The following DPYD variants were observed in gnomAD, a reference collection of about 807,000 sequenced individuals.
DPYD encodes the protein dihydropyrimidine dehydrogenase, also known as dihydropyrimidine dehydrogenase [NADP(+)].
DPYD carries 109 observed loss-of-function variants against 116.2 expected under a neutral mutation model. The ratio of observed to expected loss-of-function variants is 0.94; its 90% CI spans 0.80 to 1.10. The LOEUF is 1.10. Ranked by LOEUF, DPYD falls within the 50% of genes least tolerant of loss-of-function variation. The pLI, the probability that DPYD is intolerant of heterozygous loss-of-function variation, is 0.00. For missense variants in DPYD, 1,302 were observed against 1,254.5 expected, an observed-to-expected ratio of 1.04 and a Z score of -0.57; for synonymous variants, 440 against 432.0, an observed-to-expected ratio of 1.02 and a Z score of -0.23.
chr1:97,108,518 A>C (rs1422380084), intron 20 of DPYD, among the ~76,000 whole-genome samples: 7 of 152,146 alleles, frequency 4.6e-5, no homozygotes, highest in Non-Finnish European at 1.0e-4. Flanking sequence ...CTATTAGGCT[A>C]TAACATATGG....
At chr1:97,282,423 G>C (rs745727841) in intron 18 of DPYD, among the ~76,000 whole-genome samples, 3 of 151,628 alleles carry the variant, frequency 2.0e-5, no homozygotes, top group Non-Finnish European at 4.4e-5. Context: ...CAGAGATGCA[G>C]AGGTTGTTTA....
intron 13 of DPYD, among the ~76,000 whole-genome samples, chr1:97,484,328 A>G (rs1467313042): frequency 6.6e-6 from 1 of 151,818 alleles, no homozygotes; most frequent in African/African-American, 2.4e-5. Context: ...AAACAAAAAC[A>G]AAAAAATTCC....
At chr1:97,373,266 T>A (rs928269695) in intron 16 of DPYD, among the ~76,000 whole-genome samples, 8 of 152,226 alleles carry the variant, frequency 5.3e-5, no homozygotes, top group Non-Finnish European at 1.0e-4. Flanking sequence ...TAAAGAACAC[T>A]GCATTTGAAA....
At chr1:97,307,734 T>C (rs1667256757) in intron 16 of DPYD, among the ~76,000 whole-genome samples, 1 of 151,922 alleles carries the variant, frequency 6.6e-6, no homozygotes, top group Non-Finnish European at 1.5e-5. Context: ...GAGACTTAGC[T>C]GTACAAATTC....
intron 20 of DPYD, among the ~76,000 whole-genome samples, chr1:97,107,582 T>C (rs1384728975): frequency 6.6e-6 from 1 of 152,110 alleles, no homozygotes; most frequent in African/African-American, 2.4e-5. Context: ...ATCATGGCTA[T>C]ATACCAGACA....
intron 2 of DPYD, among the ~76,000 whole-genome samples, chr1:97,860,600 A>C (rs1388455270): frequency 6.6e-6 from 1 of 152,158 alleles, no homozygotes; most frequent in Non-Finnish European, 1.5e-5. Context: ...TTAAGTTAAA[A>C]ATAAAATATA....
chr1:97,694,529 A>G (rs1661192144), intron 6 of DPYD, among the ~76,000 whole-genome samples: 1 of 152,074 alleles, frequency 6.6e-6, no homozygotes, highest in South Asian at 2.1e-4. Context: ...CCAGACTTTT[A>G]TGTTCACTTG....
At chr1:97,429,376 A>C (rs901433592) in intron 14 of DPYD, among the ~76,000 whole-genome samples, 2 of 152,088 alleles carry the variant, frequency 1.3e-5, no homozygotes, top group African/African-American at 2.4e-5. Context: ...CTGTAAATAA[A>C]TTTTTACTTA....
intron 14 of DPYD, 117 bp downstream of exon 14, chr1:97,449,942 G>A: frequency 2.3e-6 from 3 of 1,329,996 alleles, no homozygotes; most frequent in South Asian, 2.5e-5. Context: ...AAAGCAACTG[G>A]CAGATTCTTT....
intron 1 of DPYD, among the ~76,000 whole-genome samples, chr1:97,908,148 C>A (rs2101700537): frequency 6.6e-6 from 1 of 152,076 alleles, no homozygotes; most frequent in African/African-American, 2.4e-5. Flanking sequence ...CAGGCTCAAG[C>A]AATCCTCCCG....
rs1036999870 is a variant in DPYD, at chr1:97,082,458, T to G, written c.2779A>C (p.Lys927Gln). The part of the protein sequence containing the change: ...PIPTIKDVIG[K>Q]ALQYLGTFGE... ...AATGTTCCAAGGTACTGCAGTGCTT[T>G]TCCTATTACATCCTAAAAATAGCCA... The change falls in exon 22 of 23, where the codon AAA (lysine) becomes CAA (glutamine). Residue 927 changes from lysine (K) to glutamine (Q), a missense_variant. Physicochemically the swap from Lys to Gln is moderately conservative, Grantham distance 53. Transcript: ENST00000370192. 3 of 1,613,394 alleles carry G rather than the reference T, an allele frequency of 1.9e-6. No homozygotes were observed. The African/African-American group carries it at 4.0e-5, about 22-fold the overall frequency.
chr1:97,590,451 G>C (rs12751479), intron 10 of DPYD, among the ~76,000 whole-genome samples: 1 of 152,132 alleles, frequency 6.6e-6, no homozygotes, highest in Non-Finnish European at 1.5e-5. Flanking sequence ...AGCACCCAAG[G>C]TGCTAAACAG....
At chr1:97,772,504 AT>A (rs1358404603) in intron 3 of DPYD, among the ~76,000 whole-genome samples, 1 of 152,232 alleles carries the variant, frequency 6.6e-6, no homozygotes, top group Non-Finnish European at 1.5e-5. Flanking sequence ...AATAGATCAC[AT>A]TGAAGGCAGA....
rs544820427 is a variant in DPYD at position 97,253,362 on chromosome 1, A to G, written c.2300-18368T>C. Among the ~76,000 whole-genome samples, 7 of 152,288 alleles carry G rather than the reference A, an allele frequency of 4.6e-5. No individual in the cohort carries two copies. The East Asian group carries it at 1.3e-3, about 29-fold the overall frequency. On this transcript the variant is annotated intron_variant, in intron 18 of 22. Transcript: ENST00000370192. ...CATTTTTACTTCTCAGCTTTTAATT[A>G]TTCTTTAAAAGATTTTTTAGTATCT...
intron 3 of DPYD, among the ~76,000 whole-genome samples, chr1:97,792,423 A>AT (rs1160655720): frequency 6.6e-6 from 1 of 151,574 alleles, no homozygotes; most frequent in African/African-American, 2.4e-5. Context: ...TAATTTTTAT[A>AT]TTTTTTAGTA....
chr1:97,765,517 C>T (rs1665800052), intron 3 of DPYD, among the ~76,000 whole-genome samples: 2 of 152,138 alleles, frequency 1.3e-5, no homozygotes, highest in African/African-American at 4.8e-5. Flanking sequence ...TCCATTTTTA[C>T]TTAACAGCTC....
chr1:97,276,864 C>T (rs1664964438), intron 18 of DPYD, among the ~76,000 whole-genome samples: 1 of 152,018 alleles, frequency 6.6e-6, no homozygotes, highest in African/African-American at 2.4e-5. Flanking sequence ...GGGTATATAT[C>T]CAAAGGGAAA....
At chr1:97,517,834 T>C (rs192600776) in intron 12 of DPYD, among the ~76,000 whole-genome samples, 4 of 152,246 alleles carry the variant, frequency 2.6e-5, no homozygotes, top group Admixed American at 2.6e-4. Flanking sequence ...TATGGTCCCA[T>C]GTGTCTGTAC....
chr1:97,340,811 A>G (rs943038338), intron 16 of DPYD, among the ~76,000 whole-genome samples: 2 of 152,222 alleles, frequency 1.3e-5, no homozygotes. Context: ...TTGATTTAAT[A>G]GATAATTGTG....
Sources: gnomAD v4.1 joint callset for allele counts (sites outside exome capture counted in the v4.1 genomes callset) on GRCh38, gnomAD v4.1.1 for gene constraint, MANE v1.5 for transcripts, NCBI Gene and HGNC (gene_info 2026-07-23, HGNC 2026-07-21) for gene names.